The following PCLO variants were observed in gnomAD, a reference collection of about 807,000 sequenced individuals.
PCLO encodes piccolo presynaptic cytomatrix protein, also known as protein piccolo.
Under a neutral mutation model 427.5 loss-of-function variants are expected in PCLO, and 82 were observed. The observed-to-expected ratio is 0.19, with a 90% CI of 0.16 to 0.23. The LOEUF (loss-of-function observed/expected upper bound fraction) is 0.23. Ranked by LOEUF, PCLO falls within the 10% of genes least tolerant of loss-of-function variation. PCLO has a pLI of 1.00. For missense variants in PCLO, 6,239 were observed against 6,115.9 expected (o/e 1.02, Z -0.67); for synonymous variants, 2,357 against 2,155.4 (o/e 1.09, Z -2.59).
At chr7:83,068,220 A>C (rs1789717534) in intron 3 of PCLO, among the ~76,000 whole-genome samples, 1 of 152,174 alleles carries the variant, frequency 6.6e-6, no homozygotes, top group Admixed American at 6.5e-5. Context: ...ACAACAAAAG[A>C]AAGATAAGAA....
intron 9 of PCLO, among the ~76,000 whole-genome samples, chr7:82,888,611 TA>T (rs889074979): frequency 6.6e-6 from 1 of 151,786 alleles, no homozygotes. Context: ...CAAATCTTTT[TA>T]AAAAAAAGAC....
chr7:82,823,985 G>A (rs972445990), intron 19 of PCLO, among the ~76,000 whole-genome samples: 1 of 152,116 alleles, frequency 6.6e-6, no homozygotes. Flanking sequence ...AGACCAAATA[G>A]CTCATTTTAC....
chr7:82,950,205 T>C lies in PCLO; in HGVS notation c.10383A>G (p.Arg3461=), dbSNP rs763855520. The C allele has an allele frequency of 1.2e-6, 2 of 1,612,058 alleles. No homozygotes were observed. Among genetic ancestry groups the C allele is most frequent in the Non-Finnish European group, 1.7e-6 (2 of 1,179,562 alleles). ...DATDRSYVSR[R]RRTKKSVDTS... is the part of the protein sequence containing the mutation. The stretch of plus-strand genomic sequence containing the variant: ...TATCCACACTCTTTTTAGTTCTCCT[T>C]CTCCTACTCACATAGCTCCGATCTG... The change falls in exon 6 of 25, where the codon AGA becomes AGG. Residue 3461 remains arginine, a synonymous_variant. Transcript: ENST00000333891.
At chr7:82,894,841 TA>T (rs1793862675) in intron 9 of PCLO, among the ~76,000 whole-genome samples, 1 of 152,040 alleles carries the variant, frequency 6.6e-6, no homozygotes, top group Non-Finnish European at 1.5e-5. Context: ...GGGACATCCA[TA>T]AATAGATTTA....
intron 8 of PCLO, among the ~76,000 whole-genome samples, chr7:82,904,814 G>T (rs960453759): frequency 2.6e-5 from 4 of 151,870 alleles, no homozygotes; most frequent in Non-Finnish European, 5.9e-5. Context: ...TAATTTTCTT[G>T]AATATTGCTT....
At chr7:82,773,739 C>A (rs1002967017) in intron 22 of PCLO, among the ~76,000 whole-genome samples, 5 of 148,270 alleles carry the variant, frequency 3.4e-5, no homozygotes, top group Non-Finnish European at 7.4e-5. Flanking sequence ...TTTTTTTATT[C>A]TCTTCAGTTC....
At chr7:83,136,768 G>C (rs2116624410) in intron 2 of PCLO, among the ~76,000 whole-genome samples, 1 of 152,092 alleles carries the variant, frequency 6.6e-6, no homozygotes. Context: ...GAATGAGAGA[G>C]ATTTGTATAT....
At chr7:82,848,870 C>A in intron 10 of PCLO, 2 of 390,182 alleles carry the variant, frequency 5.1e-6, no homozygotes, top group Non-Finnish European at 1.0e-5. Flanking sequence ...TAACTTACTC[C>A]AAGGAAACTT....
At position 82,949,970 on chromosome 7, in the gene PCLO, G is replaced by A. The variant is rs542081704; in HGVS notation, c.10618C>T (p.Arg3540Trp). The A allele has an allele frequency of 2.9e-5, 47 of 1,613,508 alleles. No individual in the cohort carries two copies. The highest frequency in any genetic ancestry group is 2.4e-4 in the South Asian group (22 of 91,044). The change falls in exon 6 of 25, where the codon CGG becomes TGG. Residue 3540 changes from arginine to tryptophan, a missense_variant. Arg to Trp is a moderately radical substitution (Grantham distance 101). Around this residue, in one of 5 missense-constraint regions of PCLO, gnomAD observed 4,677 missense variants for 4,468.4 expected, o/e 1.05. Coordinates refer to ENST00000333891, the MANE Select transcript of PCLO (RefSeq NM_033026.6). ...TCTACCTTGGCATCCACTCGTGCCC[G>A]TATGGAGGGTGTTCTTATGGTTCCA... is the stretch of plus-strand genomic sequence containing the variant. ...PVGTIRTPSI[R>W]ARVDAKVEII... is the part of the protein sequence containing the mutation.
intron 3 of PCLO, among the ~76,000 whole-genome samples, chr7:83,002,271 C>T (rs1040873790): frequency 1.1e-4 from 16 of 151,816 alleles, no homozygotes; most frequent in South Asian, 6.2e-4. Flanking sequence ...GTTTATCATA[C>T]GGCTTCCTAT....
chr7:82,944,137 TAAAAAAAAAAAAA>T (rs71096608), intron 6 of PCLO, among the ~76,000 whole-genome samples: 14 of 33,914 alleles, frequency 4.1e-4, no homozygotes, highest in Non-Finnish European at 5.6e-4. Context: ...CAAGAATCCA[TAAAAAAAAAAAAA>T]AAAAAAAAAA....
Position 83,162,680 on chromosome 7 carries a change from G to A in PCLO, c.-88C>T. 6.9e-7 allele frequency: 1 copy of A among 1,444,694 alleles called. No individual in the cohort carries two copies. Among genetic ancestry groups the A allele is most frequent in the Admixed American group, 2.6e-5 (1 of 38,566 alleles). 89.5% of individuals were successfully genotyped at this position (1,444,694 alleles called of 1,614,324 possible). ...GCGGCCAGGGGAGCAGTCAGAGCCG[G>A]GGTCCGCCTCGGGGCGTGCAGGCAG... On this transcript the variant is annotated 5_prime_UTR_variant, in exon 1 of 25. Transcript: ENST00000333891.
intron 22 of PCLO, among the ~76,000 whole-genome samples, chr7:82,783,383 G>A (rs1790914965): frequency 6.6e-6 from 1 of 152,110 alleles, no homozygotes. Context: ...GGGAGGCCGA[G>A]GCGAGCGGAT....
At chr7:83,017,533 G>C (rs1562921201) in intron 3 of PCLO, among the ~76,000 whole-genome samples, 7 of 151,724 alleles carry the variant, frequency 4.6e-5, no homozygotes, top group African/African-American at 1.5e-4. Context: ...AGATCACATA[G>C]GTTCACTGAA....
At position 83,135,554 on chromosome 7, in the gene PCLO, C is replaced by T. The variant is rs779121078; in HGVS notation, c.1996G>A (p.Val666Ile). Residue 666 changes from valine (V) to isoleucine (I), a missense_variant, in exon 3 of 25, where the codon GTT (valine) becomes ATT (isoleucine). Around this residue, in one of 5 missense-constraint regions of PCLO, gnomAD observed 4,677 missense variants for 4,468.4 expected, o/e 1.05. Coordinates refer to ENST00000333891, the MANE Select transcript of PCLO (RefSeq NM_033026.6). ...TTGCTCACTGCTGATGTAGTGGTAACAGGTGCAGTCTTCAGTTTGGGCTGG... is the reference window on the plus strand; with the variant it reads ...TTGCTCACTGCTGATGTAGTGGTAATAGGTGCAGTCTTCAGTTTGGGCTGG... ...SPQPKLKTAP[V>I]TTTSAVSKSS... 1 of 1,613,566 alleles carries T rather than the reference C, an allele frequency of 6.2e-7. No homozygotes were observed.
At chr7:82,930,455 C>T (rs557671624) in intron 6 of PCLO, among the ~76,000 whole-genome samples, 4 of 152,062 alleles carry the variant, frequency 2.6e-5, no homozygotes, top group Admixed American at 6.6e-5. Context: ...TATTAGAAGA[C>T]GTAGTTGGCA....
intron 3 of PCLO, among the ~76,000 whole-genome samples, chr7:83,022,706 C>T (rs998229753): frequency 1.3e-5 from 2 of 152,120 alleles, no homozygotes; most frequent in African/African-American, 4.8e-5. Flanking sequence ...ACTATTTTAG[C>T]TGCAGGTCTT....
At chr7:82,903,332 A>C (rs988675637) in intron 8 of PCLO, among the ~76,000 whole-genome samples, 4 of 151,962 alleles carry the variant, frequency 2.6e-5, no homozygotes, top group Non-Finnish European at 5.9e-5. Flanking sequence ...ATAAATAAAG[A>C]TTTTGTTCAC....
chr7:82,888,693 T>G (rs1196105896), intron 9 of PCLO, among the ~76,000 whole-genome samples: 1 of 152,178 alleles, frequency 6.6e-6, no homozygotes, highest in Non-Finnish European at 1.5e-5. Flanking sequence ...ACTTAGACTA[T>G]TTATTTGTCT....
Sources: allele counts gnomAD v4.1 joint callset (sites outside exome capture counted in the v4.1 genomes callset), GRCh38; gene constraint gnomAD v4.1.1; regional missense constraint gnomAD v4.1.1; transcripts MANE v1.5; gene names NCBI Gene and HGNC (gene_info 2026-07-23, HGNC 2026-07-21).